The following GALNT17 variants were observed in gnomAD, a reference collection of about 807,000 sequenced individuals.
GALNT17 encodes the protein polypeptide N-acetylgalactosaminyltransferase 17, also known as UDP-GalNAc:polypeptide N-acetylgalactosaminyltransferase-like 3.
In GALNT17, 29 loss-of-function variants were observed where a neutral mutation model predicts 63.7. The observed-to-expected ratio is 0.46, with a 90% CI of 0.34 to 0.62. The LOEUF (loss-of-function observed/expected upper bound fraction) is 0.62. GALNT17 is among the 20% of genes least tolerant of loss of function. The pLI is 0.01. For missense variants in GALNT17, 603 were observed against 799.6 expected (o/e 0.75, Z 2.97); for synonymous variants, 305 against 318.3 (o/e 0.96, Z 0.45).
At chr7:71,681,513 C>G (rs1032707342) in intron 9 of GALNT17, among the ~76,000 whole-genome samples, 4 of 152,140 alleles carry the variant, frequency 2.6e-5, no homozygotes, top group African/African-American at 9.7e-5. Context: ...AGCACACTCC[C>G]CACACCACCT....
chr7:71,292,666 AGAGTGTGTGTGT>A (rs780847589), intron 1 of GALNT17, among the ~76,000 whole-genome samples: 16,546 of 116,490 alleles, frequency 0.14, 916 homozygotes, highest in Middle Eastern at 0.23. Flanking sequence ...AGAGAGAGAG[AGAGTGTGTGTGT>A]GTGTGTGTGT....
intron 2 of GALNT17, among the ~76,000 whole-genome samples, chr7:71,340,381 A>G (rs1207279585): frequency 6.6e-6 from 1 of 152,182 alleles, no homozygotes; most frequent in Non-Finnish European, 1.5e-5. Context: ...TCTAGTCTCT[A>G]TTACTCCTGT....
At chr7:71,517,258 G>A (rs1379631785) in intron 5 of GALNT17, among the ~76,000 whole-genome samples, 1 of 152,152 alleles carries the variant, frequency 6.6e-6, no homozygotes, top group African/African-American at 2.4e-5. Flanking sequence ...TCCTCACATG[G>A]TGGGAAGAGG....
chr7:71,395,426 T>A (rs2116367314), intron 3 of GALNT17, among the ~76,000 whole-genome samples: 1 of 152,370 alleles, frequency 6.6e-6, no homozygotes, highest in Non-Finnish European at 1.5e-5. Flanking sequence ...TCATTCTTTT[T>A]ATGACTGAAT....
At chr7:71,289,976 C>T (rs112540052) in intron 1 of GALNT17, among the ~76,000 whole-genome samples, 2,943 of 152,000 alleles carry the variant, frequency 0.019, 83 homozygotes, top group African/African-American at 0.066. Context: ...ACCCGTGAGG[C>T]GGAGGTTGCA....
intron 4 of GALNT17, among the ~76,000 whole-genome samples, chr7:71,420,288 C>A (rs770281808): frequency 2.0e-5 from 3 of 152,174 alleles, no homozygotes; most frequent in Non-Finnish European, 4.4e-5. Context: ...ATTCTGCCTG[C>A]CTTTGCATTT....
intron 1 of GALNT17, among the ~76,000 whole-genome samples, chr7:71,321,687 A>G (rs1791608432): frequency 7.3e-6 from 1 of 136,198 alleles, no homozygotes; most frequent in Non-Finnish European, 1.5e-5. Flanking sequence ...AGCTCACTGC[A>G]ACCTCCGCCT....
At chr7:71,671,127 TG>T (rs1791064029) in intron 8 of GALNT17, among the ~76,000 whole-genome samples, 1 of 152,102 alleles carries the variant, frequency 6.6e-6, no homozygotes, top group African/African-American at 2.4e-5. Flanking sequence ...TAGACACTGG[TG>T]TCTTTTCCAA....
chr7:71,216,101 C>T (rs749110605), intron 1 of GALNT17, among the ~76,000 whole-genome samples: 6 of 151,982 alleles, frequency 3.9e-5, no homozygotes, highest in Non-Finnish European at 8.8e-5. Flanking sequence ...CCTGTAGCCC[C>T]AGCTACTTAG....
chr7:71,466,494 A>G (rs1396310472), intron 5 of GALNT17, among the ~76,000 whole-genome samples: 2 of 152,200 alleles, frequency 1.3e-5, no homozygotes, highest in Non-Finnish European at 1.5e-5. Flanking sequence ...TATTTCTCTG[A>G]CATATTTTGA....
intron 3 of GALNT17, among the ~76,000 whole-genome samples, chr7:71,408,682 C>T (rs763077911): frequency 7.9e-5 from 12 of 151,894 alleles, no homozygotes; most frequent in Non-Finnish European, 1.6e-4. Flanking sequence ...GAAACCAGCC[C>T]GGGTAACATA....
intron 2 of GALNT17, among the ~76,000 whole-genome samples, chr7:71,356,704 C>A (rs1792292997): frequency 6.6e-6 from 1 of 152,172 alleles, no homozygotes; most frequent in South Asian, 2.1e-4. Flanking sequence ...TCCAGTGGGC[C>A]CCGCCTCCAA....
chr7:71,181,511 G>C lies in GALNT17; in HGVS notation c.238+48471G>C, dbSNP rs116115556. The stretch of plus-strand genomic sequence containing the variant: ...AAACAAATTAGCTGGTGATGAGAAG[G>C]ATGAAGGGGTGATATTTGCTTATGG... On this transcript the variant is annotated intron_variant, in intron 1 of 10. Coordinates refer to ENST00000333538, the MANE Select transcript of GALNT17 (RefSeq NM_022479.3). Among the ~76,000 whole-genome samples the C allele has an allele frequency of 8.2e-3, 1,243 of 152,196 alleles. 20 individuals carry two copies. The highest frequency in any genetic ancestry group is 0.029 in the African/African-American group (1,194 of 41,532).
chr7:71,561,520 A>G (rs1360985864), intron 5 of GALNT17, among the ~76,000 whole-genome samples: 2 of 152,176 alleles, frequency 1.3e-5, no homozygotes, highest in Admixed American at 1.3e-4. Context: ...CTAAGACCAA[A>G]GAAAACGGCA....
chr7:71,386,399 GCAATCT>G (rs1439534988), intron 2 of GALNT17, among the ~76,000 whole-genome samples: 4 of 152,124 alleles, frequency 2.6e-5, no homozygotes, highest in African/African-American at 4.8e-5. Context: ...TATATATTGT[GCAATCT>G]CCCATAAGGA....
intron 5 of GALNT17, among the ~76,000 whole-genome samples, chr7:71,446,184 C>T (rs1433749306): frequency 1.3e-5 from 2 of 152,238 alleles, no homozygotes; most frequent in East Asian, 3.9e-4. Flanking sequence ...TGTCTTCCAG[C>T]CCAGTAGAGA....
intron 1 of GALNT17, among the ~76,000 whole-genome samples, chr7:71,322,346 T>C (rs1278491083): frequency 6.6e-6 from 1 of 152,216 alleles, no homozygotes; most frequent in Admixed American, 6.5e-5. Context: ...ATAAAGTTCA[T>C]AATACATGTA....
chr7:71,701,854 TAC>T (rs1225516283), intron 9 of GALNT17, among the ~76,000 whole-genome samples: 6 of 25,596 alleles, frequency 2.3e-4, no homozygotes, highest in Non-Finnish European at 7.9e-4. Context: ...TATATATATA[TAC>T]ACATATATAT....
At chr7:71,545,257 ATC>A (rs1788963134) in intron 5 of GALNT17, among the ~76,000 whole-genome samples, 3 of 152,014 alleles carry the variant, frequency 2.0e-5, no homozygotes, top group Admixed American at 6.6e-5. Flanking sequence ...TATTTTTCAC[ATC>A]TCTCTGTTTA....
Sources: allele counts gnomAD v4.1 joint callset (sites outside exome capture counted in the v4.1 genomes callset), GRCh38; gene constraint gnomAD v4.1.1; transcripts MANE v1.5; gene names NCBI Gene and HGNC (gene_info 2026-07-23, HGNC 2026-07-21).